Variants in PVALB observed in about 807,000 individuals in gnomAD.
The protein encoded by PVALB is parvalbumin.
Under a neutral mutation model 10.9 loss-of-function variants are expected in PVALB, and 11 were observed. The ratio of observed to expected loss-of-function variants is 1.01; its 90% CI spans 0.63 to 1.67. The LOEUF is 1.67. PVALB is among the 40% of genes most tolerant of loss of function. The pLI, the probability that PVALB is intolerant of heterozygous loss-of-function variation, is 0.00. For synonymous variants in PVALB, 57 were observed against 50.7 expected (o/e 1.12, Z -0.53); for missense variants, 131 against 136.2 (o/e 0.96, Z 0.19).
At chr22:36,815,450 A>C in intron 1 of PVALB, 1 of 602,536 alleles carries the variant, frequency 1.7e-6, no homozygotes, top group Non-Finnish European at 2.8e-6. Context: ...GTGTGCTCAA[A>C]CCCAGACCTC....
intron 3 of PVALB, among the ~76,000 whole-genome samples, chr22:36,811,247 C>T (rs1939041512): frequency 6.6e-6 from 1 of 151,368 alleles, no homozygotes; most frequent in Non-Finnish European, 1.5e-5. Context: ...CACTGCACTC[C>T]AGCCTGGGTG....
chr22:36,816,906 CG>C (rs1569094961), intron 1 of PVALB, 38 bp downstream of exon 1: 1 of 1,557,518 alleles, frequency 6.4e-7, no homozygotes, highest in South Asian at 1.1e-5. Flanking sequence ...GGGCGGTGGA[CG>C]AGGGGAGAGG....
chr22:36,816,654 C>T (rs1939143017), intron 1 of PVALB, among the ~76,000 whole-genome samples: 1 of 152,232 alleles, frequency 6.6e-6, no homozygotes, highest in Non-Finnish European at 1.5e-5. Flanking sequence ...CCCTGGTCTT[C>T]GCCCTTGGTC....
At chr22:36,809,964 A>C (rs544461628) in intron 3 of PVALB, among the ~76,000 whole-genome samples, 1 of 150,330 alleles carries the variant, frequency 6.7e-6, no homozygotes, top group Admixed American at 6.7e-5. Flanking sequence ...GGCTCACTGC[A>C]ACCTCCGCCT....
chr22:36,815,995 G>A (rs1249949192), intron 1 of PVALB, among the ~76,000 whole-genome samples: 1 of 151,934 alleles, frequency 6.6e-6, no homozygotes, highest in African/African-American at 2.4e-5. Flanking sequence ...TGTATCTTGG[G>A]GTCCTGTTTT....
intron 3 of PVALB, 93 bp downstream of exon 3, chr22:36,813,553 A>G: frequency 9.6e-7 from 1 of 1,041,424 alleles, no homozygotes; most frequent in South Asian, 1.3e-5. Context: ...CCCCCATATC[A>G]TCCCTTCCTT....
intron 3 of PVALB, among the ~76,000 whole-genome samples, chr22:36,803,007 CT>C (rs1938893201): frequency 6.6e-6 from 1 of 152,170 alleles, no homozygotes; most frequent in Admixed American, 6.5e-5. Context: ...TTTGAGATGT[CT>C]TTTATTAGCA....
chr22:36,804,464 A>G (rs1033363250), intron 3 of PVALB, among the ~76,000 whole-genome samples: 5 of 152,186 alleles, frequency 3.3e-5, no homozygotes, highest in African/African-American at 1.2e-4. Flanking sequence ...ACGGAATTCT[A>G]ATTTTATCCC....
chr22:36,806,945 C>T (rs1938959011), intron 3 of PVALB, among the ~76,000 whole-genome samples: 1 of 152,014 alleles, frequency 6.6e-6, no homozygotes, highest in Admixed American at 6.6e-5. Context: ...GCTGCAACCC[C>T]CAGAGGCAGA....
upstream of PVALB, chr22:36,817,146 G>T (rs750843597): frequency 3.6e-4 from 253 of 694,658 alleles, no homozygotes; most frequent in Non-Finnish European, 5.1e-4. Flanking sequence ...CAGGGGCCCG[G>T]ACTCTGAGCG....
At chr22:36,806,199 C>G (rs983277908) in intron 3 of PVALB, among the ~76,000 whole-genome samples, 5 of 152,154 alleles carry the variant, frequency 3.3e-5, no homozygotes, top group African/African-American at 1.2e-4. Context: ...TCTTCTAAGA[C>G]ATGAAAGGAC....
intron 3 of PVALB, among the ~76,000 whole-genome samples, chr22:36,808,368 G>A (rs1938993679): frequency 6.6e-6 from 1 of 151,176 alleles, no homozygotes; most frequent in African/African-American, 2.5e-5. Flanking sequence ...GAGTTTGGAA[G>A]GCCCAGGCTG....
chr22:36,801,481 C>A (rs147035272), intron 3 of PVALB, among the ~76,000 whole-genome samples: 1 of 152,252 alleles, frequency 6.6e-6, no homozygotes, highest in Non-Finnish European at 1.5e-5. Context: ...GGGTCTCAGG[C>A]AAGTGCCCAT....
intron 1 of PVALB, chr22:36,816,565 C>T: frequency 4.2e-6 from 1 of 235,420 alleles, no homozygotes; most frequent in African/African-American, 2.2e-5. Flanking sequence ...GAGGAGGATG[C>T]CCCCTGCAGT....
chr22:36,814,305 G>GCA (rs1191042082), intron 2 of PVALB, among the ~76,000 whole-genome samples: 7 of 148,628 alleles, frequency 4.7e-5, no homozygotes, highest in Non-Finnish European at 9.0e-5. Flanking sequence ...GTGTGTGTGT[G>GCA]CATAAGTGTG....
chr22:36,813,601 C>G, intron 3 of PVALB, 45 bp downstream of exon 3: 1 of 1,506,200 alleles, frequency 6.6e-7, no homozygotes, highest in Non-Finnish European at 9.2e-7. Flanking sequence ...CATCCAACAC[C>G]CCAAGATCCA....
At chr22:36,806,756 G>A (rs1004852116) in intron 3 of PVALB, among the ~76,000 whole-genome samples, 26 of 152,152 alleles carry the variant, frequency 1.7e-4, no homozygotes, top group African/African-American at 5.3e-4. Flanking sequence ...ACCAGGCACC[G>A]CACGGTGTGT....
At chr22:36,815,426 T>C (rs1433587380) in intron 1 of PVALB, 191 bp from the exon 2 acceptor site, 1 of 737,394 alleles carries the variant, frequency 1.4e-6, no homozygotes, top group Non-Finnish European at 2.2e-6. Flanking sequence ...GTCACAAGGC[T>C]GGGAGTGGAA....
chr22:36,800,996 C>G, intron 3 of PVALB, 78 bp from the exon 4 acceptor site: 1 of 1,418,276 alleles, frequency 7.1e-7, no homozygotes, highest in Non-Finnish European at 9.9e-7. Context: ...CTGCGGGGCC[C>G]TGGGTGGTGC....
Sources: allele counts gnomAD v4.1 joint callset (sites outside exome capture counted in the v4.1 genomes callset), GRCh38; gene constraint gnomAD v4.1.1; transcripts MANE v1.5; gene names NCBI Gene and HGNC (gene_info 2026-07-23, HGNC 2026-07-21).